TENM3: variants seen among roughly 807,000 people sequenced by gnomAD.
TENM3 encodes teneurin transmembrane protein 3, also known as teneurin-3.
In TENM3, 63 loss-of-function variants were observed where a neutral mutation model predicts 255.1. That is an observed-to-expected ratio of 0.25 (90% confidence interval 0.20 to 0.30). The LOEUF (loss-of-function observed/expected upper bound fraction) is 0.30. Among genes scored for constraint, TENM3 ranks in the 10% least tolerant of loss-of-function variants. TENM3 has a pLI of 1.00. For synonymous variants in TENM3, 1,306 were observed against 1,322.3 expected (o/e 0.99, Z 0.27); for missense variants, 2,929 against 3,461.1 (o/e 0.85, Z 3.86).
rs1179177734 is a variant in TENM3, at chr4:182,800,485, C to T, written c.*134C>T. The T allele has an allele frequency of 5.2e-6, 6 of 1,153,046 alleles. No individual in the cohort carries two copies. The highest frequency in any genetic ancestry group is 7.1e-6 in the Non-Finnish European group (6 of 849,592). The allele number at this position is 1,153,046 out of a possible 1,614,324, so 71.4% of individuals were successfully genotyped here. A position where few individuals can be genotyped will look rare whatever the true frequency, so the allele number is the denominator to read the frequency against. ...ACTGCTGTTACGACCCACACCCACA[C>T]CGCGAAAACAAGGACCGCTTTTTTC... is the stretch of plus-strand genomic sequence containing the variant. On this transcript the variant is annotated 3_prime_UTR_variant, in exon 28 of 28. Transcript: ENST00000511685.
At chr4:182,190,356 A>G (rs538483082) in intron 1 of TENM3, 13 of 152,300 alleles carry the variant, frequency 8.5e-5, no homozygotes, top group Non-Finnish European at 1.9e-4. Flanking sequence ...GCCCACCAGT[A>G]TTTGAAACAA....
the TENM3 span, among the ~76,000 whole-genome samples, chr4:181,996,047 T>C: frequency 6.6e-6 from 1 of 151,170 alleles, no homozygotes; most frequent in Non-Finnish European, 1.5e-5. Context: ...GAGAAGATGA[T>C]GGTGGATGAG....
chr4:181,486,638 A>T, the TENM3 span, among the ~76,000 whole-genome samples: 224 of 152,290 alleles, frequency 1.5e-3, no homozygotes, highest in African/African-American at 5.3e-3. Context: ...CTCTATAAAG[A>T]AAGTTTATAG....
the TENM3 span, among the ~76,000 whole-genome samples, chr4:181,694,683 G>T: frequency 6.6e-6 from 1 of 152,166 alleles, no homozygotes; most frequent in Admixed American, 6.5e-5. Context: ...CCCAGCCAGA[G>T]AATAAGAATG....
chr4:182,671,199 T>TA (rs1362119357), intron 6 of TENM3, among the ~76,000 whole-genome samples: 4 of 152,128 alleles, frequency 2.6e-5, no homozygotes, highest in African/African-American at 7.2e-5. Flanking sequence ...AACGGTGCAA[T>TA]CATTATGTTA....
At chr4:182,619,175 C>T (rs1385783114) in intron 4 of TENM3, among the ~76,000 whole-genome samples, 3 of 152,012 alleles carry the variant, frequency 2.0e-5, no homozygotes, top group African/African-American at 7.3e-5. Flanking sequence ...CACCTGTAAT[C>T]GCAACACTTT....
At chr4:181,572,160 A>G in the TENM3 span, among the ~76,000 whole-genome samples, 1 of 147,150 alleles carries the variant, frequency 6.8e-6, no homozygotes, top group East Asian at 2.0e-4. Context: ...AGTTTTAGAG[A>G]TTTGGTTTAG....
chr4:182,743,796 A>G (rs766735899), intron 19 of TENM3, among the ~76,000 whole-genome samples: 14 of 152,180 alleles, frequency 9.2e-5, no homozygotes, highest in Non-Finnish European at 2.1e-4. Flanking sequence ...TTTTCCTGTG[A>G]TTTCAGGACC....
chr4:182,698,104 A>G (rs1385115672), intron 12 of TENM3: 1 of 152,140 alleles, frequency 6.6e-6, no homozygotes, highest in Admixed American at 6.6e-5. Flanking sequence ...CTCTGAGCCA[A>G]ATTCGTCTTT....
At chr4:181,463,523 A>T in the TENM3 span, among the ~76,000 whole-genome samples, 1 of 152,220 alleles carries the variant, frequency 6.6e-6, no homozygotes, top group Non-Finnish European at 1.5e-5. Context: ...GTGTTTATTT[A>T]AGAACTATAT....
intron 15 of TENM3, 138 bp downstream of exon 15, chr4:182,730,457 A>G: frequency 1.1e-6 from 1 of 913,674 alleles, no homozygotes; most frequent in Non-Finnish European, 1.6e-6. Context: ...TTGTGACAGT[A>G]CATATGGCAG....
At chr4:182,240,287 A>G (rs1032390936), upstream of TENM3, among the ~76,000 whole-genome samples, 1 of 152,190 alleles carries the variant, frequency 6.6e-6, no homozygotes, top group East Asian at 1.9e-4. Context: ...ATGGACGTCC[A>G]CTGAGATCAA....
the TENM3 span, among the ~76,000 whole-genome samples, chr4:182,089,318 G>A: frequency 2.0e-5 from 3 of 152,156 alleles, no homozygotes; most frequent in Non-Finnish European, 2.9e-5. Flanking sequence ...TGTGCCAAAA[G>A]TCGGGTCTCC....
At chr4:182,331,823 C>T (rs1046910019) in intron 2 of TENM3, among the ~76,000 whole-genome samples, 3 of 151,992 alleles carry the variant, frequency 2.0e-5, no homozygotes, top group African/African-American at 7.3e-5. Context: ...TCTTAAAATG[C>T]GTACCTTAAA....
chr4:181,587,439 A>G, the TENM3 span, among the ~76,000 whole-genome samples: 1 of 152,074 alleles, frequency 6.6e-6, no homozygotes, highest in East Asian at 1.9e-4. Context: ...TGAAGCCTCC[A>G]TTTGCCGTCT....
chr4:182,273,697 G>T (rs1201326184), intron 1 of TENM3, among the ~76,000 whole-genome samples: 1 of 152,190 alleles, frequency 6.6e-6, no homozygotes, highest in Non-Finnish European at 1.5e-5. Flanking sequence ...CACTCCAAGA[G>T]CTTGGCCTAC....
chr4:182,250,146 G>A (rs1370915145), intron 1 of TENM3, among the ~76,000 whole-genome samples: 1 of 148,532 alleles, frequency 6.7e-6, no homozygotes, highest in African/African-American at 2.5e-5. Flanking sequence ...TCTGCCTCCT[G>A]GGTTCACGCC....
rs1203346815 is a variant in TENM3, at chr4:182,243,773, T to A, written c.-76+297T>A. ...TTTATAAGTAAAATTCATAGTCACA[T>A]CAGCGAAATAATTTTAAATGTATGT... On this transcript the variant is annotated intron_variant, in intron 1 of 27. Coordinates refer to ENST00000511685, the MANE Select transcript of TENM3 (RefSeq NM_001080477.4). 2.0e-5 allele frequency among the ~76,000 whole-genome samples: 3 copies of A among 152,064 alleles called. No individual in the cohort carries two copies. The East Asian group carries it at 5.8e-4, about 29-fold the overall frequency.
rs377188422 is a variant in TENM3 at position 182,596,550 on chromosome 4, A to G, written c.512-4374A>G. 3.3e-5 allele frequency among the ~76,000 whole-genome samples: 5 copies of G among 152,306 alleles called. No individual in the cohort carries two copies. The East Asian group carries it at 9.7e-4, about 29-fold the overall frequency. ...TTTTTTAGATCTTAAAGTAATTTGG[A>G]TTTGGAGATAGAAAGATGGAGGAAA... On this transcript the variant is annotated intron_variant, in intron 3 of 27. Transcript: ENST00000511685.
Sources: allele counts gnomAD v4.1 joint callset (sites outside exome capture counted in the v4.1 genomes callset), GRCh38; gene constraint gnomAD v4.1.1; transcripts MANE v1.5; gene names NCBI Gene and HGNC (gene_info 2026-07-23, HGNC 2026-07-21).